LMTK3: variants seen among roughly 807,000 people sequenced by gnomAD.
LMTK3 encodes the protein lemur tail kinase 3.
LMTK3 carries 27 observed loss-of-function variants against 116.7 expected under a neutral mutation model. That is an observed-to-expected ratio of 0.23 (90% CI 0.17 to 0.32). The LOEUF is 0.32. LMTK3 is among the 10% of genes least tolerant of loss of function. The pLI is 1.00. For synonymous variants in LMTK3, 965 were observed against 971.0 expected, an observed-to-expected ratio of 0.99 and a Z score of 0.11; for missense variants, 1,764 against 2,068.5, an observed-to-expected ratio of 0.85 and a Z score of 2.86.
In LMTK3 at chr19:48,497,348, A is replaced by G; in HGVS notation, c.3676+45T>C. ...CACACTCACCCTCCGCACGCCTCGG[A>G]AACAGCCGGACCTCAGCCCTGACTG... On this transcript the variant is annotated intron_variant, in intron 11 of 14. Transcript: ENST00000600059. This position sits in a 1 kb window ranked among gnomAD's most constrained non-coding sequence, Gnocchi z 5.7. 4 of 1,416,464 alleles carry G rather than the reference A, an allele frequency of 2.8e-6. No homozygotes were observed. The highest frequency in any genetic ancestry group is 3.7e-6 in the Non-Finnish European group (4 of 1,079,074). The allele number at this position is 1,416,464 out of a possible 1,614,324, so 87.7% of individuals were successfully genotyped here.
upstream of LMTK3, among the ~76,000 whole-genome samples, chr19:48,512,643 C>T (rs1410287373): frequency 6.6e-6 from 1 of 152,006 alleles, no homozygotes; most frequent in African/African-American, 2.4e-5. Context: ...AGGCACATCA[C>T]ATACATGAGT....
At position 48,485,498 on chromosome 19, in the gene LMTK3, G is replaced by GAGAA; in HGVS notation, c.*271_*274dup. ...GCCCAAAAGAGTTCAGTTCAGTTCCGAGAAAGGCGGCTCTCTATGGAGGGG... is the reference window on the plus strand; with the variant it reads ...GCCCAAAAGAGTTCAGTTCAGTTCCGAGAAAGAAAGGCGGCTCTCTATGGAGGGG... On this transcript the variant is annotated 3_prime_UTR_variant, in exon 15 of 15. Transcript: ENST00000600059. 1 of 479,246 alleles carries GAGAA rather than the reference G, an allele frequency of 2.1e-6. No individual in the cohort carries two copies. The highest frequency in any genetic ancestry group is 2.1e-5 in the South Asian group (1 of 46,730). 29.7% of individuals were successfully genotyped at this position (479,246 alleles called of 1,614,324 possible).
At chr19:48,495,785 C>T (rs1388069618) in intron 11 of LMTK3, among the ~76,000 whole-genome samples, 1 of 152,246 alleles carries the variant, frequency 6.6e-6, no homozygotes, top group Non-Finnish European at 1.5e-5. Flanking sequence ...AAAGAAGTTG[C>T]GCCTCCCAGA....
intron 1 of LMTK3, 74 bp downstream of exon 1, chr19:48,511,427 A>G: frequency 1.7e-6 from 1 of 580,116 alleles, no homozygotes; most frequent in Non-Finnish European, 2.6e-6. Context: ...ACCCGCAGAC[A>G]GACCCCTGGG....
chr19:48,510,526 C>T lies in LMTK3; in HGVS notation c.143G>A (p.Gly48Asp). Residue 48 changes from glycine (G) to aspartate (D), a missense_variant, in exon 2 of 15, where the codon GGC (glycine) becomes GAC (aspartate). This residue lies in a region of LMTK3 where 271 missense variants were observed against 478.2 expected (regional missense o/e 0.57). Transcript: ENST00000600059. ...PYAVVLISCS[G>D]LLAFIFLLLT... is the part of the protein sequence containing the mutation. The stretch of plus-strand genomic sequence containing the variant: ...GAGGAGGAAGATGAAGGCCAGCAGG[C>T]CGGAGCAGGAAATGAGGACCACAGC... 1 of 1,599,744 alleles carries T rather than the reference C, an allele frequency of 6.3e-7. No individual in the cohort carries two copies. Among genetic ancestry groups the T allele is most frequent in the Admixed American group, 1.7e-5 (1 of 57,374 alleles).
rs753831665 is a variant in LMTK3 at position 48,491,505 on chromosome 19, G to A, written c.4127C>T (p.Pro1376Leu). 7.1e-7 allele frequency: 1 copy of A among 1,408,980 alleles called. No homozygotes were observed. Among genetic ancestry groups the A allele is most frequent in the South Asian group, 1.6e-5 (1 of 60,914 alleles). The allele number at this position is 1,408,980 out of a possible 1,614,324, so 87.3% of individuals were successfully genotyped here. A position where few individuals can be genotyped will look rare whatever the true frequency, so the allele number is the denominator to read the frequency against. Residue 1376 changes from proline (P) to leucine (L), a missense_variant, in exon 13 of 15, where the codon CCC (proline) becomes CTC (leucine). By Grantham distance (98) the Pro-to-Leu change is moderately conservative. Transcript: ENST00000600059. The surrounding 1 kb of genome is among the most constrained non-coding windows in gnomAD (Gnocchi z 5.1). ...TPTNELSVQAPPEGDTDPSTP... is the reference protein window; with the variant it reads ...TPTNELSVQALPEGDTDPSTP... ...TGACGGGTCCGTGTCCCCCTCGGGG[G>A]GGGCCTGGACGCTCAGCTCGTTGGT...
In LMTK3 at chr19:48,498,465, C is replaced by T. The variant is rs775400823; in HGVS notation, c.2604G>A (p.Glu868=). 18 of 1,602,658 alleles carry T rather than the reference C, an allele frequency of 1.1e-5. No homozygotes were observed. In the African/African-American group the frequency reaches 2.1e-4, roughly 19 times the overall value. Residue 868 remains glutamate, a synonymous_variant, in exon 11 of 15, where the codon GAG becomes GAA. Coordinates refer to ENST00000600059, the MANE Select transcript of LMTK3 (RefSeq NM_001388485.1). ...STEQLLMSLR[E]DVTRNLLGEK... ...CCCCCAGGAGGTTCCTTGTCACATC[C>T]TCCCGCAGGGACATCAGCAGCTGTT...
intron 14 of LMTK3, among the ~76,000 whole-genome samples, chr19:48,489,875 A>G (rs1972191958): frequency 6.6e-6 from 1 of 152,166 alleles, no homozygotes; most frequent in African/African-American, 2.4e-5. Context: ...ACCGGGGAGC[A>G]CCACCTGTCC....
At chr19:48,513,126 T>G (rs1456450474), upstream of LMTK3, 1 of 1,591,944 alleles carries the variant, frequency 6.3e-7, no homozygotes, top group Admixed American at 1.8e-5. The surrounding 1 kb of genome is among the most constrained non-coding windows in gnomAD (Gnocchi z 5.6). Context: ...GACACACGGG[T>G]CGCAAATACC....
intron 5 of LMTK3, among the ~76,000 whole-genome samples, chr19:48,507,262 G>A (rs1000905159): frequency 6.6e-6 from 1 of 152,226 alleles, no homozygotes; most frequent in Non-Finnish European, 1.5e-5. Flanking sequence ...GCAGGATGAT[G>A]ATCCCCATTT....
At chr19:48,501,452 C>G in intron 8 of LMTK3, 26 bp downstream of exon 8, 1 of 1,612,604 alleles carries the variant, frequency 6.2e-7, no homozygotes, top group Non-Finnish European at 8.5e-7. Context: ...CCCCACAGCC[C>G]CCATCCCGAC....
upstream of LMTK3, among the ~76,000 whole-genome samples, chr19:48,512,535 G>A (rs116481576): frequency 4.7e-3 from 710 of 152,116 alleles, 5 homozygotes; most frequent in African/African-American, 0.014. Flanking sequence ...ATACATGCAC[G>A]TCACACAGAC....
chr19:48,485,605 C>T lies in LMTK3; in HGVS notation c.*168G>A, dbSNP rs1220979071. The T allele has an allele frequency of 8.1e-6, 5 of 614,484 alleles. No homozygotes were observed. The highest frequency in any genetic ancestry group is 3.2e-5 in the East Asian group (1 of 31,246). 38.1% of individuals were successfully genotyped at this position (614,484 alleles called of 1,614,324 possible). On this transcript the variant is annotated 3_prime_UTR_variant, in exon 15 of 15. Transcript: ENST00000600059. ...TCTGGGGGGCTGGGGGGCGGGGGCC[C>T]GGGGCCTCCCGTTTGGCACATGGTA...
chr19:48,501,562 G>T lies in LMTK3; in HGVS notation c.795C>A (p.Ser265Arg), dbSNP rs568335771. 3.1e-6 allele frequency: 5 copies of T among 1,605,666 alleles called. No homozygotes were observed. Among genetic ancestry groups the T allele is most frequent in the African/African-American group, 1.3e-5 (1 of 74,754 alleles). The change falls in exon 8 of 15, where the codon AGC becomes AGA. Residue 265 changes from serine (S) to arginine (R), a missense_variant and splice_region_variant. Ser to Arg is a moderately radical substitution (Grantham distance 110). This residue lies in a region of LMTK3 where 271 missense variants were observed against 478.2 expected (regional missense o/e 0.57). Coordinates refer to ENST00000600059, the MANE Select transcript of LMTK3 (RefSeq NM_001388485.1). Reference protein sequence around the residue: ...AHLHSHNYVHSDLALRNCLLT... With the variant: ...AHLHSHNYVHRDLALRNCLLT... ...GCAGGCAGTTGCGCAGGGCCAGGTC[G>T]CTGCGGGAAGAACGCGAGGAGGTGA...
chr19:48,493,976 C>A lies in LMTK3; in HGVS notation c.3810G>T (p.Ala1270=). The change falls in exon 12 of 15, where the codon GCG becomes GCT. Residue 1270 remains alanine (A), a synonymous_variant. Coordinates refer to ENST00000600059, the MANE Select transcript of LMTK3 (RefSeq NM_001388485.1). ...AAGGEAGGAG[A]PGPAEEDGED... ...CCCCGTCCTCCTCCGCCGGCCCCGG[C>A]GCTCCCGCCCCGCCGGCCTCCCCGC... is the stretch of plus-strand genomic sequence containing the variant. 1 of 1,048,580 alleles carries A rather than the reference C, an allele frequency of 9.5e-7. No homozygotes were observed. The highest frequency in any genetic ancestry group is 1.1e-6 in the Non-Finnish European group (1 of 874,532). 65.0% of individuals were successfully genotyped at this position (1,048,580 alleles called of 1,614,324 possible).
Position 48,491,493 on chromosome 19 carries a change from T to C in LMTK3, c.4139A>G (p.Asp1380Gly). 3.6e-6 allele frequency: 5 copies of C among 1,403,850 alleles called. No homozygotes were observed. The highest frequency in any genetic ancestry group is 2.9e-5 in the East Asian group (1 of 34,884). 87.0% of individuals were successfully genotyped at this position (1,403,850 alleles called of 1,614,324 possible). ...ELSVQAPPEGDTDPSTPPAPP... is the reference protein window; with the variant it reads ...ELSVQAPPEGGTDPSTPPAPP... ...CGCTGGAGGCGTTGACGGGTCCGTG[T>C]CCCCCTCGGGGGGGGCCTGGACGCT... is the stretch of plus-strand genomic sequence containing the variant. Residue 1380 changes from aspartate (D) to glycine (G), a missense_variant, in exon 13 of 15, where the codon GAC becomes GGC. Physicochemically the swap from Asp to Gly is moderately conservative, Grantham distance 94 (BLOSUM62 -1). Coordinates refer to ENST00000600059, the MANE Select transcript of LMTK3 (RefSeq NM_001388485.1). The surrounding 1 kb of genome is among the most constrained non-coding windows in gnomAD (Gnocchi z 5.1).
Position 48,498,883 on chromosome 19 carries a change from G to T in LMTK3, c.2186C>A (p.Pro729His). ...DLPMAPPASA[P>H]PEFLDPLMGA... The stretch of plus-strand genomic sequence containing the variant: ...CATGAGGGGGTCCAGAAACTCGGGG[G>T]GGGCCGAGGCGGGGGGGGCCATGGG... Residue 729 changes from proline (P) to histidine (H), a missense_variant, in exon 11 of 15, where the codon CCC (proline) becomes CAC (histidine). Physicochemically the swap from Pro to His is moderately conservative, Grantham distance 77 (BLOSUM62 -2). Around this residue, in one of 7 missense-constraint regions of LMTK3, gnomAD observed 1,028 missense variants for 1,050.6 expected, o/e 0.98. Transcript: ENST00000600059. 3 of 1,205,150 alleles carry T rather than the reference G, an allele frequency of 2.5e-6. No homozygotes were observed. The highest frequency in any genetic ancestry group is 3.0e-4 in the Middle Eastern group (1 of 3,290). The allele number at this position is 1,205,150 out of a possible 1,614,324, so 74.7% of individuals were successfully genotyped here. A position where few individuals can be genotyped will look rare whatever the true frequency, so the allele number is the denominator to read the frequency against.
Position 48,511,505 on chromosome 19 carries a change from G to C in LMTK3, c.72C>G (p.His24Gln). 2.2e-6 allele frequency: 3 copies of C among 1,389,892 alleles called. No homozygotes were observed. The highest frequency in any genetic ancestry group is 2.8e-6 in the Non-Finnish European group (3 of 1,059,514). 86.1% of individuals were successfully genotyped at this position (1,389,892 alleles called of 1,614,324 possible). A position where few individuals can be genotyped will look rare whatever the true frequency, so the allele number is the denominator to read the frequency against. The change falls in exon 1 of 15, where the codon CAC (histidine) becomes CAG (glutamine). Residue 24 changes from histidine (H) to glutamine (Q), a missense_variant. This residue lies in a region of LMTK3 where 66 missense variants were observed against 61.1 expected (regional missense o/e 1.08). Coordinates refer to ENST00000600059, the MANE Select transcript of LMTK3 (RefSeq NM_001388485.1). ...SASGCLASPA[H>Q]PDGFALGRAP... is the part of the protein sequence containing the mutation. ...CTGATGGCCCGACAGACTCACCGGG[G>C]TGGGCCGGGGACGCCAGGCAGCCGG...
In LMTK3 at chr19:48,500,595, C is replaced by T. The variant is rs980029120; in HGVS notation, c.1151+401G>A. On this transcript the variant is annotated intron_variant, in intron 10 of 14. Coordinates refer to ENST00000600059, the MANE Select transcript of LMTK3 (RefSeq NM_001388485.1). The surrounding 1 kb of genome is among the most constrained non-coding windows in gnomAD (Gnocchi z 4.0). ...TAGAGATTCAGAGGAGGTAACTGGG[C>T]TGGGGAGCTGGGTATTGAGACCCAA... Among the ~76,000 whole-genome samples, 1 of 151,956 alleles carries T rather than the reference C, an allele frequency of 6.6e-6. No individual in the cohort carries two copies.
Sources: allele counts gnomAD v4.1 joint callset (sites outside exome capture counted in the v4.1 genomes callset), GRCh38; gene constraint gnomAD v4.1.1; regional missense constraint gnomAD v4.1.1; non-coding constraint Gnocchi (gnomAD v3.1); transcripts MANE v1.5; gene names NCBI Gene and HGNC (gene_info 2026-07-23, HGNC 2026-07-21).